The following CSPP1 variants were observed in gnomAD, a reference collection of about 807,000 sequenced individuals.
The protein encoded by CSPP1 is centrosome and spindle pole-associated protein 1.
A neutral mutation model predicts 164.4 loss-of-function variants in CSPP1; 126 were observed. That is an observed-to-expected ratio of 0.77 (90% CI 0.66 to 0.89). The LOEUF (loss-of-function observed/expected upper bound fraction) is 0.89, where lower values mean the gene tolerates loss of function less well. Among genes scored for constraint, CSPP1 ranks in the 40% least tolerant of loss-of-function variants. The pLI is 0.00. For synonymous variants in CSPP1, 472 were observed against 476.7 expected, an observed-to-expected ratio of 0.99 and a Z score of 0.13; for missense variants, 1,395 against 1,449.8, an observed-to-expected ratio of 0.96 and a Z score of 0.61.
In CSPP1 at chr8:67,118,817, G is replaced by A. The variant is rs199608505; in HGVS notation, c.1693G>A (p.Val565Ile). ...APVTHQLAQP[V>I]VNTVGQNELK... ...TGTCACCCACCAACTAGCACAACCTGTTGTGTAAGTTATTAGTTAAAAGAA... is the reference window on the plus strand; with the variant it reads ...TGTCACCCACCAACTAGCACAACCTATTGTGTAAGTTATTAGTTAAAAGAA... The change falls in exon 15 of 31, where the codon GTT (valine) becomes ATT (isoleucine). Residue 565 changes from valine (V) to isoleucine (I), a missense_variant. Coordinates refer to ENST00000678616, the MANE Select transcript of CSPP1 (RefSeq NM_001382391.1). The A allele has an allele frequency of 1.6e-3, 2,634 of 1,602,522 alleles. 4 individuals are homozygous for A. Among genetic ancestry groups the A allele is most frequent in the Non-Finnish European group, 2.1e-3 (2,450 of 1,169,846 alleles).
At chr8:67,151,711 T>G (rs1244704339) in intron 18 of CSPP1, among the ~76,000 whole-genome samples, 1 of 152,056 alleles carries the variant, frequency 6.6e-6, no homozygotes, top group African/African-American at 2.4e-5. Flanking sequence ...GTTTTAAGAA[T>G]TGAGTAAAAA....
At chr8:67,190,592 C>T in intron 28 of CSPP1, 58 bp from the exon 29 acceptor site, 1 of 1,296,668 alleles carries the variant, frequency 7.7e-7, no homozygotes, top group South Asian at 1.2e-5. Flanking sequence ...CTTGGTTTAG[C>T]TCTGGGTAAG....
At chr8:67,153,995 G>T (rs1363612633) in intron 18 of CSPP1, 29 bp from the exon 19 acceptor site, 1 of 1,019,818 alleles carries the variant, frequency 9.8e-7, no homozygotes, top group Non-Finnish European at 1.5e-6. Context: ...TTGGCTAATA[G>T]TATGTTTTTG....
At chr8:67,131,920 A>G in intron 15 of CSPP1, 31 bp from the exon 16 acceptor site, 1 of 1,552,222 alleles carries the variant, frequency 6.4e-7, no homozygotes, top group South Asian at 1.2e-5. Flanking sequence ...TCGTCAATGG[A>G]TTTAAATTAT....
At chr8:67,065,126 G>GC (rs1216712099) in intron 1 of CSPP1, among the ~76,000 whole-genome samples, 1 of 152,174 alleles carries the variant, frequency 6.6e-6, no homozygotes, top group African/African-American at 2.4e-5. Flanking sequence ...GCGCTTGTGC[G>GC]CACTGCTTTG....
intron 17 of CSPP1, among the ~76,000 whole-genome samples, chr8:67,143,070 G>GT (rs985570926): frequency 5.3e-4 from 79 of 149,442 alleles, no homozygotes; most frequent in African/African-American, 1.3e-3. Context: ...AATTTTACCA[G>GT]TTTTTTTTTT....
At chr8:67,087,714 T>C (rs1286903954) in intron 4 of CSPP1, among the ~76,000 whole-genome samples, 1 of 152,204 alleles carries the variant, frequency 6.6e-6, no homozygotes, top group Admixed American at 6.5e-5. Context: ...TAGTAAGAAA[T>C]AATGATGTAT....
intron 10 of CSPP1, among the ~76,000 whole-genome samples, chr8:67,113,358 C>T (rs1817268996): frequency 6.6e-6 from 1 of 151,972 alleles, no homozygotes; most frequent in Non-Finnish European, 1.5e-5. Context: ...TCAGAGGAAG[C>T]CAATATCTAC....
chr8:67,083,548 A>AATATATATATATATATATATATAT, intron 3 of CSPP1: 1 of 91,484 alleles, frequency 1.1e-5, no homozygotes, highest in African/African-American at 4.4e-5. Flanking sequence ...AAAAAAAAAA[A>AATATATATATATATATATATATAT]ATATATATAT....
At chr8:67,105,742 G>T (rs1245643894) in intron 8 of CSPP1, among the ~76,000 whole-genome samples, 163 bp from the exon 9 acceptor site, 5 of 152,156 alleles carry the variant, frequency 3.3e-5, no homozygotes, top group African/African-American at 1.2e-4. Context: ...TAAAGAGATA[G>T]AATGCCATGA....
At chr8:67,118,223 A>G in intron 13 of CSPP1, 25 bp from the exon 14 acceptor site, 1 of 1,608,062 alleles carries the variant, frequency 6.2e-7, no homozygotes. Context: ...TATGAGAGGA[A>G]TTTTTCATCT....
intron 24 of CSPP1, among the ~76,000 whole-genome samples, chr8:67,167,773 C>T (rs544617760): frequency 1.4e-4 from 21 of 146,490 alleles, no homozygotes; most frequent in East Asian, 8.2e-4. Flanking sequence ...ACTTCCTAAA[C>T]GGGATGGCGG....
intron 15 of CSPP1, among the ~76,000 whole-genome samples, chr8:67,128,519 A>AC (rs1820553156): frequency 6.7e-6 from 1 of 149,110 alleles, no homozygotes; most frequent in South Asian, 2.1e-4. Flanking sequence ...AGCTTGGGCG[A>AC]CTAGAGTGAG....
At chr8:67,190,499 TAAAA>T (rs1476791589) in intron 28 of CSPP1, 147 bp from the exon 29 acceptor site, 3 of 622,166 alleles carry the variant, frequency 4.8e-6, no homozygotes, top group Non-Finnish European at 5.8e-6. Flanking sequence ...GTAAATTTAC[TAAAA>T]AAATCACCGA....
At chr8:67,183,599 TAAATGA>T (rs1833583253) in intron 28 of CSPP1, among the ~76,000 whole-genome samples, 1 of 152,214 alleles carries the variant, frequency 6.6e-6, no homozygotes, top group Non-Finnish European at 1.5e-5. Flanking sequence ...TACTTTGATC[TAAATGA>T]AAATGAAAAT....
chr8:67,174,448 G>A (rs1212726316), intron 25 of CSPP1: 1 of 152,096 alleles, frequency 6.6e-6, no homozygotes, highest in Non-Finnish European at 1.5e-5. Context: ...TGAACTGTAT[G>A]TTTCTTCTCA....
chr8:67,171,872 G>C (rs959061243), intron 24 of CSPP1, among the ~76,000 whole-genome samples: 6 of 143,416 alleles, frequency 4.2e-5, no homozygotes, highest in Non-Finnish European at 7.6e-5. Flanking sequence ...TTTTGAGATG[G>C]AGTCTTGCTC....
chr8:67,093,439 A>C, intron 5 of CSPP1, 104 bp from the exon 6 acceptor site: 1 of 642,384 alleles, frequency 1.6e-6, no homozygotes, highest in Non-Finnish European at 2.7e-6. Context: ...TCTGGGTAAG[A>C]GTTCTGATAT....
At chr8:67,174,908 A>G in intron 25 of CSPP1, 1 of 167,446 alleles carries the variant, frequency 6.0e-6, no homozygotes, top group Non-Finnish European at 1.3e-5. Context: ...TATATTTTAG[A>G]GATCAGCCGT....
Sources: allele counts gnomAD v4.1 joint callset (sites outside exome capture counted in the v4.1 genomes callset), GRCh38; gene constraint gnomAD v4.1.1; transcripts MANE v1.5; gene names NCBI Gene and HGNC (gene_info 2026-07-23, HGNC 2026-07-21).